CDK17: variants seen among roughly 807,000 people sequenced by gnomAD.
The protein encoded by CDK17 is cyclin dependent kinase 17.
A neutral mutation model predicts 77.6 loss-of-function variants in CDK17; 24 were observed. The ratio of observed to expected loss-of-function variants is 0.31; its 90% CI spans 0.22 to 0.44. The LOEUF is 0.44. Ranked by LOEUF, CDK17 falls within the 20% of genes least tolerant of loss-of-function variation. The pLI, the probability that CDK17 is intolerant of heterozygous loss-of-function variation, is 1.00. For synonymous variants in CDK17, 203 were observed against 210.4 expected (o/e 0.96, Z 0.30); for missense variants, 429 against 622.5 (o/e 0.69, Z 3.31).
intron 1 of CDK17, among the ~76,000 whole-genome samples, chr12:96,384,460 G>A (rs1188136488): frequency 6.6e-6 from 1 of 152,170 alleles, no homozygotes; most frequent in African/African-American, 2.4e-5. Flanking sequence ...TGTATTCATA[G>A]GTTTATGGCG....
At chr12:96,314,326 G>T (rs1026329380) in intron 3 of CDK17, among the ~76,000 whole-genome samples, 5 of 152,002 alleles carry the variant, frequency 3.3e-5, no homozygotes, top group African/African-American at 1.2e-4. Flanking sequence ...CAAGTAGCTG[G>T]GAGTACAGGC....
intron 1 of CDK17, among the ~76,000 whole-genome samples, chr12:96,391,982 G>A (rs1425118445): frequency 1.3e-5 from 2 of 152,138 alleles, no homozygotes; most frequent in Non-Finnish European, 2.9e-5. Flanking sequence ...CCAACTCGGT[G>A]TTGTTCCTCC....
chr12:96,351,442 G>C, intron 1 of CDK17, among the ~76,000 whole-genome samples: 1 of 152,026 alleles, frequency 6.6e-6, no homozygotes, highest in East Asian at 1.9e-4. Flanking sequence ...ACAAAATGTG[G>C]CATATACATA....
chr12:96,397,601 T>C (rs911070801), intron 1 of CDK17, among the ~76,000 whole-genome samples: 1 of 152,190 alleles, frequency 6.6e-6, no homozygotes, highest in Non-Finnish European at 1.5e-5. Context: ...TTTTTTCTCA[T>C]TGTAAATGTA....
At chr12:96,383,101 G>T (rs1322487548) in intron 1 of CDK17, among the ~76,000 whole-genome samples, 1 of 152,072 alleles carries the variant, frequency 6.6e-6, no homozygotes, top group Non-Finnish European at 1.5e-5. Context: ...AAAATCAGTA[G>T]CATTTCTATA....
At chr12:96,341,861 T>C (rs997888588) in intron 1 of CDK17, among the ~76,000 whole-genome samples, 3 of 152,208 alleles carry the variant, frequency 2.0e-5, no homozygotes, top group African/African-American at 4.8e-5. Flanking sequence ...TTTCACCTTA[T>C]AGTCAAGCTA....
At chr12:96,367,567 A>C (rs1478773080) in intron 1 of CDK17, among the ~76,000 whole-genome samples, 1 of 152,110 alleles carries the variant, frequency 6.6e-6, no homozygotes, top group East Asian at 1.9e-4. Flanking sequence ...AAAAGAGTAC[A>C]ATTACAACTT....
intron 1 of CDK17, among the ~76,000 whole-genome samples, chr12:96,357,176 C>A (rs1466286725): frequency 1.3e-5 from 2 of 152,108 alleles, no homozygotes; most frequent in African/African-American, 4.8e-5. Context: ...TAAAAGGAAG[C>A]TCAGGCCAGG....
Position 96,362,022 on chromosome 12 carries a change from T to A in CDK17, c.-29-27157A>T, listed in dbSNP as rs568655713. ...GTACTTAGTCTTTCTCTGTAATAGT[T>A]GACTTTTTATTAATATTTATCTTGA... On this transcript the variant is annotated intron_variant, in intron 1 of 16. Transcript: ENST00000261211. Among the ~76,000 whole-genome samples, 15 of 152,340 alleles carry A rather than the reference T, an allele frequency of 9.8e-5. No individual in the cohort carries two copies. In the East Asian group the frequency reaches 2.9e-3, roughly 29 times the overall value.
chr12:96,364,608 C>T (rs1039194986), intron 1 of CDK17, among the ~76,000 whole-genome samples: 1 of 152,014 alleles, frequency 6.6e-6, no homozygotes, highest in Non-Finnish European at 1.5e-5. Flanking sequence ...GTTCTTTTCC[C>T]ATCGTTTTCT....
chr12:96,352,619 T>C (rs761782662), intron 1 of CDK17, among the ~76,000 whole-genome samples: 1 of 152,160 alleles, frequency 6.6e-6, no homozygotes, highest in Non-Finnish European at 1.5e-5. Flanking sequence ...TAAAGACAAC[T>C]AAAACTGCAA....
At chr12:96,349,918 C>T (rs1406501813) in intron 1 of CDK17, among the ~76,000 whole-genome samples, 1 of 152,052 alleles carries the variant, frequency 6.6e-6, no homozygotes, top group Non-Finnish European at 1.5e-5. Context: ...AAACTAATTT[C>T]CTTAAGATGT....
At chr12:96,336,501 AAAAT>A (rs1262020053) in intron 1 of CDK17, among the ~76,000 whole-genome samples, 1 of 152,234 alleles carries the variant, frequency 6.6e-6, no homozygotes, top group Non-Finnish European at 1.5e-5. Flanking sequence ...AAAATCCACT[AAAAT>A]AAAAATACCA....
intron 5 of CDK17, among the ~76,000 whole-genome samples, chr12:96,310,837 C>G (rs761545735): frequency 6.6e-6 from 1 of 150,620 alleles, no homozygotes; most frequent in Non-Finnish European, 1.5e-5. Flanking sequence ...ATAAAATATA[C>G]CTTAAATCCT....
At chr12:96,310,471 T>C (rs1039794533) in intron 5 of CDK17, among the ~76,000 whole-genome samples, 3 of 152,050 alleles carry the variant, frequency 2.0e-5, no homozygotes, top group African/African-American at 7.2e-5. Flanking sequence ...TACCAAAACA[T>C]ACTATAAAAA....
chr12:96,329,335 C>T (rs1469910008), intron 2 of CDK17, among the ~76,000 whole-genome samples: 1 of 152,104 alleles, frequency 6.6e-6, no homozygotes, highest in African/African-American at 2.4e-5. Context: ...TAATAGAAAT[C>T]TATATGAAAA....
intron 1 of CDK17, among the ~76,000 whole-genome samples, chr12:96,372,107 G>A (rs1279895393): frequency 6.6e-6 from 1 of 152,032 alleles, no homozygotes; most frequent in Non-Finnish European, 1.5e-5. Flanking sequence ...TGTAATTTAT[G>A]ACAATAATAG....
intron 9 of CDK17, among the ~76,000 whole-genome samples, chr12:96,295,730 A>T (rs1350176171): frequency 6.6e-6 from 1 of 152,180 alleles, no homozygotes; most frequent in African/African-American, 2.4e-5. Context: ...AGCACCTCCT[A>T]CTTAGCCTTC....
chr12:96,354,881 C>A (rs1393426097), intron 1 of CDK17, among the ~76,000 whole-genome samples: 1 of 152,122 alleles, frequency 6.6e-6, no homozygotes, highest in African/African-American at 2.4e-5. Context: ...GAGACCCCAA[C>A]TCTTAAGAAA....
Sources: allele counts gnomAD v4.1 joint callset (sites outside exome capture counted in the v4.1 genomes callset), GRCh38; gene constraint gnomAD v4.1.1; transcripts MANE v1.5; gene names NCBI Gene and HGNC (gene_info 2026-07-23, HGNC 2026-07-21).